The following ATP5IF1 variants were observed in gnomAD, a reference collection of about 807,000 sequenced individuals.
ATP5IF1 encodes the protein ATP synthase inhibitory factor subunit 1.
Under a neutral mutation model 8.5 loss-of-function variants are expected in ATP5IF1, and 12 were observed. The ratio of observed to expected loss-of-function variants is 1.41; its 90% CI spans 0.90 to 2.28. The LOEUF is 2.28. Ranked by LOEUF, ATP5IF1 falls within the 30% of genes most tolerant of loss-of-function variation. The probability of loss-of-function intolerance (pLI) is 0.00; values close to 1 mark genes in which losing one functional copy is unlikely to be tolerated. For missense variants in ATP5IF1, 154 were observed against 140.2 expected (o/e 1.10, Z -0.50); for synonymous variants, 51 against 53.4 (o/e 0.96, Z 0.19).
At chr1:28,237,702 AG>A (rs1647050613) in intron 2 of ATP5IF1, 134 bp from the exon 3 acceptor site, 1 of 1,605,634 alleles carries the variant, frequency 6.2e-7, no homozygotes, top group East Asian at 2.2e-5. Context: ...CTAGTTGAGG[AG>A]TAGAAGAGGA....
intron 2 of ATP5IF1, chr1:28,237,443 C>G (rs1466399870): frequency 1.8e-5 from 22 of 1,211,816 alleles, no homozygotes; most frequent in Non-Finnish European, 1.9e-5. Context: ...AAAGAAAGCT[C>G]TAGACAGATT....
rs543410568 is a variant in ATP5IF1 at position 28,236,208 on chromosome 1, C to T, written c.25C>T (p.Arg9Trp). 1.2e-5 allele frequency: 20 copies of T among 1,613,596 alleles called. No homozygotes were observed. Among genetic ancestry groups the T allele is most frequent in the Non-Finnish European group, 1.7e-5 (20 of 1,179,978 alleles). Residue 9 changes from arginine (R) to tryptophan (W), a missense_variant, in exon 1 of 3, where the codon CGG becomes TGG. Coordinates refer to ENST00000335514, the MANE Select transcript of ATP5IF1 (RefSeq NM_016311.5). ...AATGGCAGTGACGGCGTTGGCGGCGCGGACGTGGCTTGGCGTGTGGGGCGT... is the reference window on the plus strand; with the variant it reads ...AATGGCAGTGACGGCGTTGGCGGCGTGGACGTGGCTTGGCGTGTGGGGCGT... MAVTALAARTWLGVWGVRT... is the reference protein window; with the variant it reads MAVTALAAWTWLGVWGVRT...
chr1:28,237,485 A>G (rs1475731940), intron 2 of ATP5IF1: 8 of 1,319,956 alleles, frequency 6.1e-6, no homozygotes, highest in Non-Finnish European at 7.7e-6. Flanking sequence ...CCTTTTAGCT[A>G]CACCCCTTTG....
In ATP5IF1 at chr1:28,236,478, A is replaced by C. The variant is rs369451238; in HGVS notation, c.179+26A>C. On this transcript the variant is annotated intron_variant, in intron 2 of 2. Transcript: ENST00000335514. ...GTGAGGCTCACCGGGTCCCAAGTCC[A>C]GCCCTGGATCTCCCAATGGCCTTCC... The C allele has an allele frequency of 9.4e-5, 151 of 1,614,050 alleles. No homozygotes were observed. In the African/African-American group the frequency reaches 1.8e-3, roughly 19 times the overall value.
chr1:28,237,480 T>C (rs1361123604), intron 2 of ATP5IF1: 1 of 1,305,690 alleles, frequency 7.7e-7, no homozygotes, highest in Non-Finnish European at 9.7e-7. Flanking sequence ...ATTTGCCTTT[T>C]AGCTACACCC....
rs377666507 is a variant in ATP5IF1, at chr1:28,236,430, G to A, written c.157G>A (p.Ala53Thr). 1.7e-5 allele frequency: 28 copies of A among 1,614,102 alleles called. No homozygotes were observed. The highest frequency in any genetic ancestry group is 2.4e-5 in the Non-Finnish European group (28 of 1,180,048). The change falls in exon 2 of 3, where the codon GCT becomes ACT. Residue 53 changes from alanine (A) to threonine (T), a missense_variant. Ala to Thr is a moderately conservative substitution (Grantham distance 58, BLOSUM62 0). Coordinates refer to ENST00000335514, the MANE Select transcript of ATP5IF1 (RefSeq NM_016311.5). ...AGGAFGKREQAEEERYFRAQS... is the reference protein window; with the variant it reads ...AGGAFGKREQTEEERYFRAQS... ...TGGGGCCTTCGGAAAGAGAGAGCAG[G>A]CTGAAGAGGAACGATATTTCCGGTG...
At chr1:28,237,452 T>C (rs1430429990) in intron 2 of ATP5IF1, 1 of 1,232,834 alleles carries the variant, frequency 8.1e-7, no homozygotes, top group East Asian at 4.0e-5. Context: ...TCTAGACAGA[T>C]TGGAATAGGA....
intron 2 of ATP5IF1, chr1:28,236,692 C>T: frequency 7.0e-7 from 1 of 1,428,246 alleles, no homozygotes. Context: ...ACCGGCGGGT[C>T]TCCAAAACAA....
chr1:28,236,969 G>A, intron 2 of ATP5IF1: 1 of 1,050,492 alleles, frequency 9.5e-7, no homozygotes, highest in Non-Finnish European at 1.2e-6. Flanking sequence ...GAGGATGATG[G>A]GAGCTGGTCA....
chr1:28,236,561 C>G lies in ATP5IF1; in HGVS notation c.179+109C>G, dbSNP rs773712181. 1.6e-5 allele frequency: 25 copies of G among 1,561,230 alleles called. No individual in the cohort carries two copies. In the South Asian group the frequency reaches 2.4e-4, roughly 15 times the overall value. ...CTACCTGGTGCCTTGGGCGCCCCATCCCCCAACAGAACTCCCGGGCCCCAA... is the reference window on the plus strand; with the variant it reads ...CTACCTGGTGCCTTGGGCGCCCCATGCCCCAACAGAACTCCCGGGCCCCAA... On this transcript the variant is annotated intron_variant, in intron 2 of 2. Coordinates refer to ENST00000335514, the MANE Select transcript of ATP5IF1 (RefSeq NM_016311.5).
intron 2 of ATP5IF1, chr1:28,236,772 C>T: frequency 7.9e-7 from 1 of 1,273,636 alleles, no homozygotes; most frequent in Admixed American, 3.3e-5. Flanking sequence ...GTGCGAAACA[C>T]CCCCAGATTC....
rs570378650 is a variant in ATP5IF1 at position 28,237,845 on chromosome 1, G to C, written c.188G>C (p.Ser63Thr). The change falls in exon 3 of 3, where the codon AGT becomes ACT. Residue 63 changes from serine (S) to threonine (T), a missense_variant. Ser to Thr is a moderately conservative substitution (Grantham distance 58). Coordinates refer to ENST00000335514, the MANE Select transcript of ATP5IF1 (RefSeq NM_016311.5). ...CCACCGTGTCCTTGTAGAGCACAGAGTAGAGAACAACTGGCAGCTTTGAAA... is the reference window on the plus strand; with the variant it reads ...CCACCGTGTCCTTGTAGAGCACAGACTAGAGAACAACTGGCAGCTTTGAAA... Reference protein sequence around the residue: ...AEEERYFRAQSREQLAALKKH... With the variant: ...AEEERYFRAQTREQLAALKKH... 6.2e-7 allele frequency: 1 copy of C among 1,614,188 alleles called. No homozygotes were observed. Among genetic ancestry groups the C allele is most frequent in the African/African-American group, 1.3e-5 (1 of 75,042 alleles).
At chr1:28,236,862 CT>C in intron 2 of ATP5IF1, 1 of 1,151,262 alleles carries the variant, frequency 8.7e-7, no homozygotes, top group Non-Finnish European at 1.1e-6. Flanking sequence ...CTGTCACCCC[CT>C]CTACGCTCTC....
chr1:28,236,279 C>T lies in ATP5IF1; in HGVS notation c.87+9C>T, dbSNP rs771110433. ...GCTTCGGCTCGGATCAGGTACGCTG[C>T]GGCAGTGTCCGCTGCTCCAGCCCCG... On this transcript the variant is annotated intron_variant, in intron 1 of 2. Transcript: ENST00000335514. The T allele has an allele frequency of 5.0e-6, 8 of 1,614,140 alleles. No individual in the cohort carries two copies. Among genetic ancestry groups the T allele is most frequent in the Non-Finnish European group, 3.4e-6 (4 of 1,180,016 alleles).
chr1:28,236,540 C>G (rs1647038310), intron 2 of ATP5IF1, 88 bp downstream of exon 2: 1 of 1,590,252 alleles, frequency 6.3e-7, no homozygotes, highest in Non-Finnish European at 8.6e-7. Context: ...CCGTTCCTAC[C>G]TGGTGCCTTG....
chr1:28,236,274 C>T lies in ATP5IF1; in HGVS notation c.87+4C>T, dbSNP rs375925376. On this transcript the variant is annotated splice_donor_region_variant and intron_variant, in intron 1 of 2. Coordinates refer to ENST00000335514, the MANE Select transcript of ATP5IF1 (RefSeq NM_016311.5). ...CCGAGGCTTCGGCTCGGATCAGGTA[C>T]GCTGCGGCAGTGTCCGCTGCTCCAG... 1.2e-6 allele frequency: 2 copies of T among 1,614,122 alleles called. No homozygotes were observed. Among genetic ancestry groups the T allele is most frequent in the African/African-American group, 1.3e-5 (1 of 75,068 alleles).
intron 2 of ATP5IF1, chr1:28,237,146 G>C (rs1468163903): frequency 1.0e-6 from 1 of 992,524 alleles, no homozygotes; most frequent in African/African-American, 1.7e-5. Context: ...CTGGAGAGCA[G>C]TGAGGAATTA....
chr1:28,236,182 C>T lies in ATP5IF1; in HGVS notation c.-2C>T, dbSNP rs990110496. 3 of 1,613,048 alleles carry T rather than the reference C, an allele frequency of 1.9e-6. 1 individual carries two copies. The South Asian group carries it at 3.3e-5, about 18-fold the overall frequency. On this transcript the variant is annotated 5_prime_UTR_variant, in exon 1 of 3. Coordinates refer to ENST00000335514, the MANE Select transcript of ATP5IF1 (RefSeq NM_016311.5). Reference sequence around the variant, plus strand: ...GACGCCAGAGGTGCAGCTCCAGCAGCAATGGCAGTGACGGCGTTGGCGGCG... The same window carrying T: ...GACGCCAGAGGTGCAGCTCCAGCAGTAATGGCAGTGACGGCGTTGGCGGCG...
intron 2 of ATP5IF1, chr1:28,236,821 T>C: frequency 8.4e-7 from 1 of 1,189,316 alleles, no homozygotes; most frequent in Non-Finnish European, 1.1e-6. Context: ...AACGTTTGCC[T>C]CCCAGCCTGA....
Sources: allele counts gnomAD v4.1 joint callset, GRCh38; gene constraint gnomAD v4.1.1; transcripts MANE v1.5; gene names NCBI Gene and HGNC (gene_info 2026-07-23, HGNC 2026-07-21).